The following GCFC2 variants were observed in gnomAD, a reference collection of about 807,000 sequenced individuals.
GCFC2 encodes the protein GC-rich sequence DNA-binding factor 2, also known as intron Large complex component GCFC2.
A neutral mutation model predicts 99.4 loss-of-function variants in GCFC2; 102 were observed. The observed-to-expected ratio is 1.03, with a 90% confidence interval of 0.87 to 1.21. The LOEUF is 1.21. GCFC2 is among the 50% of genes most tolerant of loss of function. GCFC2 has a pLI of 0.00. For synonymous variants in GCFC2, 338 were observed against 316.8 expected, an observed-to-expected ratio of 1.07 and a Z score of -0.71; for missense variants, 973 against 920.9, an observed-to-expected ratio of 1.06 and a Z score of -0.73.
At chr2:75,682,649 A>T (rs1679631962) in intron 11 of GCFC2, among the ~76,000 whole-genome samples, 1 of 151,700 alleles carries the variant, frequency 6.6e-6, no homozygotes, top group African/African-American at 2.4e-5. Flanking sequence ...AACTCCTCTG[A>T]GCTAAAGGAG....
At chr2:75,712,372 T>C (rs1382869781), upstream of GCFC2, among the ~76,000 whole-genome samples, 4 of 152,196 alleles carry the variant, frequency 2.6e-5, no homozygotes, top group Admixed American at 2.0e-4. Flanking sequence ...TGGTGAGGCC[T>C]TGGAGAACCT....
chr2:75,707,693 T>C (rs1407847288), intron 1 of GCFC2, among the ~76,000 whole-genome samples: 24 of 152,222 alleles, frequency 1.6e-4, no homozygotes, highest in Admixed American at 1.6e-3. Context: ...CTGGAGGTCC[T>C]TGAGACTCTT....
Position 75,694,286 on chromosome 2 carries a change from G to T in GCFC2, c.975C>A (p.Ser325Arg). The change falls in exon 6 of 17, where the codon AGC (serine) becomes AGA (arginine). Residue 325 changes from serine to arginine, a missense_variant. Coordinates refer to ENST00000321027, the MANE Select transcript of GCFC2 (RefSeq NM_003203.5). ...TTAAATTTTCCACATAAATTTTCATGCTTTTATAGAATTTACAATTTAGAG... is the reference window on the plus strand; with the variant it reads ...TTAAATTTTCCACATAAATTTTCATTCTTTTATAGAATTTACAATTTAGAG... The part of the protein sequence containing the change: ...NQALNCKFYK[S>R]MKIYVENLID... 8.5e-7 allele frequency: 1 copy of T among 1,174,686 alleles called. No homozygotes were observed. The highest frequency in any genetic ancestry group is 1.2e-6 in the Non-Finnish European group (1 of 805,250). The allele number at this position is 1,174,686 out of a possible 1,614,324, so 72.8% of individuals were successfully genotyped here. A position where few individuals can be genotyped will look rare whatever the true frequency, so the allele number is the denominator to read the frequency against.
At chr2:75,673,631 G>A (rs79539098) in intron 12 of GCFC2, 111 bp from the exon 13 acceptor site, 8,188 of 626,632 alleles carry the variant, frequency 0.013, 98 homozygotes, top group South Asian at 0.024. Flanking sequence ...ATAACCAGCT[G>A]TTAAAATAAC....
intron 3 of GCFC2, 103 bp downstream of exon 3, chr2:75,702,096 C>T: frequency 6.7e-7 from 1 of 1,500,254 alleles, no homozygotes. Flanking sequence ...CCATTATCAA[C>T]ACTATAAAAT....
chr2:75,682,625 G>C (rs2104295297), intron 11 of GCFC2, among the ~76,000 whole-genome samples: 1 of 151,902 alleles, frequency 6.6e-6, no homozygotes, highest in South Asian at 2.1e-4. Flanking sequence ...GGCTTCAGAA[G>C]GTGGGTAATA....
chr2:75,672,131 A>C (rs1679116350), intron 13 of GCFC2, 115 bp from the exon 14 acceptor site: 1 of 248,432 alleles, frequency 4.0e-6, no homozygotes, highest in Non-Finnish European at 8.1e-6. Flanking sequence ...TTAATGGAAT[A>C]TAAATAGAGA....
intron 1 of GCFC2, 43 bp downstream of exon 1, chr2:75,710,548 C>T: frequency 1.4e-6 from 2 of 1,463,570 alleles, no homozygotes; most frequent in South Asian, 2.7e-5. Context: ...CCCTTCCCGC[C>T]CTGTGCCGTC....
chr2:75,698,496 A>G (rs1191451211), intron 4 of GCFC2, among the ~76,000 whole-genome samples: 1 of 152,228 alleles, frequency 6.6e-6, no homozygotes, highest in Non-Finnish European at 1.5e-5. Flanking sequence ...TATTAAAATC[A>G]GTTGTTATAA....
chr2:75,696,187 G>A lies in GCFC2; in HGVS notation c.833+13C>T, dbSNP rs761848766. ...CTAGGACAAATGTAAATTTCAAAAT[G>A]AGTATTGCTCACCTAGTATTTAATT... On this transcript the variant is annotated intron_variant, in intron 5 of 16. Coordinates refer to ENST00000321027, the MANE Select transcript of GCFC2 (RefSeq NM_003203.5). 3.4e-6 allele frequency: 3 copies of A among 870,918 alleles called. No homozygotes were observed. The highest frequency in any genetic ancestry group is 1.8e-5 in the Admixed American group (1 of 55,586). The allele number at this position is 870,918 out of a possible 1,614,324, so 53.9% of individuals were successfully genotyped here.
At chr2:75,693,354 C>T (rs753397081) in intron 6 of GCFC2, among the ~76,000 whole-genome samples, 4 of 152,056 alleles carry the variant, frequency 2.6e-5, no homozygotes, top group Non-Finnish European at 4.4e-5. Flanking sequence ...GCACGAGAAT[C>T]GCTTGAACCT....
intron 1 of GCFC2, among the ~76,000 whole-genome samples, chr2:75,707,947 C>G (rs1265290165): frequency 6.6e-6 from 1 of 152,020 alleles, no homozygotes; most frequent in Non-Finnish European, 1.5e-5. Flanking sequence ...AAATTTTGAC[C>G]CTTGAGTACA....
chr2:75,711,835 C>G (rs181279713), upstream of GCFC2, among the ~76,000 whole-genome samples: 1,077 of 152,370 alleles, frequency 7.1e-3, 10 homozygotes, highest in African/African-American at 0.025. Context: ...GGACCTGCAG[C>G]CCGCCATGCC....
intron 10 of GCFC2, among the ~76,000 whole-genome samples, chr2:75,688,317 A>G (rs569729285): frequency 6.6e-6 from 1 of 152,370 alleles, no homozygotes; most frequent in African/African-American, 2.4e-5. Context: ...TGAAACAGCC[A>G]TGGAATTTGT....
chr2:75,673,355 C>A, intron 13 of GCFC2, 89 bp downstream of exon 13: 26 of 683,826 alleles, frequency 3.8e-5, no homozygotes, highest in Admixed American at 1.3e-4. Flanking sequence ...AAAAATAAAA[C>A]ACTGTAGTTT....
intron 10 of GCFC2, among the ~76,000 whole-genome samples, 191 bp downstream of exon 10, chr2:75,688,835 A>G (rs760871384): frequency 1.3e-5 from 2 of 152,224 alleles, no homozygotes; most frequent in Non-Finnish European, 2.9e-5. Flanking sequence ...AATGATGCTT[A>G]GCCTAAAAAT....
intron 11 of GCFC2, among the ~76,000 whole-genome samples, chr2:75,685,650 A>G (rs1679779473): frequency 6.6e-6 from 1 of 152,050 alleles, no homozygotes; most frequent in African/African-American, 2.4e-5. Flanking sequence ...TTTTCGGTTT[A>G]TATTCACTCG....
chr2:75,676,973 G>A lies in GCFC2; in HGVS notation c.1812+3220C>T, dbSNP rs113621400. Among the ~76,000 whole-genome samples, 378 of 152,262 alleles carry A rather than the reference G, an allele frequency of 2.5e-3. 2 individuals carry two copies. The highest frequency in any genetic ancestry group is 0.01 in the Middle Eastern group (3 of 294). On this transcript the variant is annotated intron_variant, in intron 12 of 16. Transcript: ENST00000321027. ...AAAATATTGAACAGGGCAAAGCTGA[G>A]AAGATATCTAATACTAACAGACTCC...
chr2:75,685,809 A>G (rs1003214817), intron 11 of GCFC2, among the ~76,000 whole-genome samples: 9 of 152,142 alleles, frequency 5.9e-5, no homozygotes, highest in African/African-American at 2.2e-4. Context: ...GATTACAGGT[A>G]CTTCAAAATC....
Sources: gnomAD v4.1 joint callset for allele counts (sites outside exome capture counted in the v4.1 genomes callset) on GRCh38, gnomAD v4.1.1 for gene constraint, MANE v1.5 for transcripts, NCBI Gene and HGNC (gene_info 2026-07-23, HGNC 2026-07-21) for gene names.